GMNC: variants seen among roughly 807,000 people sequenced by gnomAD.
The protein encoded by GMNC is geminin coiled-coil domain containing, also known as geminin coiled-coil domain-containing protein 1.
Under a neutral mutation model 33.6 loss-of-function variants are expected in GMNC, and 16 were observed. That is an observed-to-expected ratio of 0.48 (90% confidence interval 0.32 to 0.72). The LOEUF is 0.72. Ranked by LOEUF, GMNC falls within the 30% of genes least tolerant of loss-of-function variation. GMNC has a pLI of 0.03. For missense variants in GMNC, 393 were observed against 388.9 expected (o/e 1.01, Z -0.09); for synonymous variants, 156 against 147.3 (o/e 1.06, Z -0.43).
chr3:190,849,437 A>G (rs1481110756), downstream of GMNC, among the ~76,000 whole-genome samples: 1 of 152,200 alleles, frequency 6.6e-6, no homozygotes, highest in Admixed American at 6.5e-5. Flanking sequence ...AATGAAAGGA[A>G]GGTGTGTTTT....
intron 3 of GMNC, 150 bp downstream of exon 3, chr3:190,858,778 T>C: frequency 2.3e-6 from 1 of 434,644 alleles, no homozygotes. Context: ...ACATTGATCA[T>C]CTAACTTTGA....
At chr3:190,847,823 A>G (rs533088923), downstream of GMNC, among the ~76,000 whole-genome samples, 1 of 152,294 alleles carries the variant, frequency 6.6e-6, no homozygotes, top group Admixed American at 6.5e-5. Context: ...TGTTCCAGAA[A>G]GATGATGCCC....
Position 190,858,990 on chromosome 3 carries a change from G to C in GMNC, c.205C>G (p.Leu69Val). Residue 69 changes from leucine (L) to valine (V), a missense_variant, in exon 3 of 5, where the codon CTT (leucine) becomes GTT (valine). By Grantham distance (32) the Leu-to-Val change is conservative. Transcript: ENST00000442080. ...TCTTCCCATGAGCACAAGTCCGGAA[G>C]AGGAAAATTTGAGTCACTGAATGAT... ...QESFSDSNFP[L>V]PDLCSWEEAQ... is the part of the protein sequence containing the mutation. 6.5e-7 allele frequency: 1 copy of C among 1,549,772 alleles called. No homozygotes were observed. The highest frequency in any genetic ancestry group is 8.7e-7 in the Non-Finnish European group (1 of 1,145,458).
the GMNC span, among the ~76,000 whole-genome samples, chr3:190,846,564 C>A: frequency 2.5e-3 from 385 of 152,176 alleles, 1 homozygote; most frequent in African/African-American, 9.1e-3. Context: ...AAGTTGTAGG[C>A]TTTGACATAT....
At chr3:190,843,386 A>G in the GMNC span, among the ~76,000 whole-genome samples, 258 of 152,272 alleles carry the variant, frequency 1.7e-3, no homozygotes, top group Admixed American at 3.2e-3. Context: ...AGATAAAATT[A>G]TTTCCTAGAT....
At chr3:190,846,452 A>C in the GMNC span, among the ~76,000 whole-genome samples, 1 of 152,218 alleles carries the variant, frequency 6.6e-6, no homozygotes, top group Middle Eastern at 3.2e-3. Flanking sequence ...ACAGATTCAC[A>C]TATACATATG....
intron 3 of GMNC, among the ~76,000 whole-genome samples, chr3:190,858,411 T>A (rs969098238): frequency 1.3e-5 from 2 of 151,954 alleles, no homozygotes; most frequent in Non-Finnish European, 2.9e-5. Flanking sequence ...AATAAATAAA[T>A]AAAAATAGAG....
At chr3:190,857,951 C>T (rs532472313) in intron 3 of GMNC, 52 bp from the exon 4 acceptor site, 2 of 956,618 alleles carry the variant, frequency 2.1e-6, no homozygotes, top group African/African-American at 3.2e-5. Flanking sequence ...GACTTTGTAA[C>T]CTTATAATAA....
At chr3:190,845,170 T>A in the GMNC span, among the ~76,000 whole-genome samples, 1 of 152,158 alleles carries the variant, frequency 6.6e-6, no homozygotes, top group Admixed American at 6.5e-5. Context: ...AATTCATATG[T>A]CCACCAGAAT....
At chr3:190,850,747 A>T (rs1737620735), downstream of GMNC, among the ~76,000 whole-genome samples, 1 of 152,224 alleles carries the variant, frequency 6.6e-6, no homozygotes, top group African/African-American at 2.4e-5. Context: ...CCGCAACAAT[A>T]GTAGAAAAGG....
downstream of GMNC, among the ~76,000 whole-genome samples, chr3:190,852,027 AT>A (rs1162654837): frequency 9.1e-5 from 6 of 65,908 alleles, no homozygotes; most frequent in Non-Finnish European, 1.5e-4. Context: ...GTTGAAAAAC[AT>A]TATATATTTG....
In GMNC at chr3:190,855,697, G is replaced by A. The variant is rs1237900481; in HGVS notation, c.603C>T (p.Ile201=). The change falls in exon 5 of 5, where the codon ATC becomes ATT. Residue 201 remains isoleucine (I), a synonymous_variant. Transcript: ENST00000442080. ...QTLGLKDLDT[I]DDTSSANYSA... ...TGTAGTTAGCTGATGAGGTGTCATCGATAGTGTCAAGGTCTTTTAACCCAA... is the reference window on the plus strand; with the variant it reads ...TGTAGTTAGCTGATGAGGTGTCATCAATAGTGTCAAGGTCTTTTAACCCAA... 1.3e-5 allele frequency: 20 copies of A among 1,551,552 alleles called. No individual in the cohort carries two copies. Among genetic ancestry groups the A allele is most frequent in the African/African-American group, 2.7e-5 (2 of 73,130 alleles).
chr3:190,846,497 T>G, the GMNC span, among the ~76,000 whole-genome samples: 6 of 152,054 alleles, frequency 3.9e-5, no homozygotes, highest in South Asian at 1.0e-3. Context: ...TTTTAACACT[T>G]TTACTAAAAA....
downstream of GMNC, among the ~76,000 whole-genome samples, chr3:190,851,603 G>T (rs774631646): frequency 1.3e-5 from 2 of 152,102 alleles, no homozygotes; most frequent in Non-Finnish European, 2.9e-5. Context: ...AGCCTGAAAC[G>T]GAGGCTATAT....
At chr3:190,850,942 G>A (rs1472923175), downstream of GMNC, among the ~76,000 whole-genome samples, 3 of 151,108 alleles carry the variant, frequency 2.0e-5, no homozygotes, top group South Asian at 6.4e-4. Context: ...TTTAAAGTGA[G>A]TGAAGTTTAT....
chr3:190,852,050 CAAA>C (rs1737643582), downstream of GMNC, among the ~76,000 whole-genome samples: 1 of 151,756 alleles, frequency 6.6e-6, no homozygotes, highest in East Asian at 1.9e-4. Flanking sequence ...AGCTTGAAAA[CAAA>C]TTCTATTTGA....
chr3:190,858,338 A>T (rs993973395), intron 3 of GMNC, among the ~76,000 whole-genome samples: 1 of 152,024 alleles, frequency 6.6e-6, no homozygotes, highest in African/African-American at 2.4e-5. Context: ...ACTAGGTTAA[A>T]TTAAATATAG....
chr3:190,858,068 A>G, intron 3 of GMNC, 169 bp from the exon 4 acceptor site: 2 of 593,816 alleles, frequency 3.4e-6, no homozygotes, highest in Non-Finnish European at 6.1e-6. Flanking sequence ...CATCCCCCTA[A>G]TGCCTAGTTG....
At chr3:190,856,904 A>G (rs946362666) in intron 4 of GMNC, among the ~76,000 whole-genome samples, 1 of 151,764 alleles carries the variant, frequency 6.6e-6, no homozygotes, top group African/African-American at 2.4e-5. Flanking sequence ...AGCCCAGGAA[A>G]ATAGCCTGGC....
Sources: allele counts gnomAD v4.1 joint callset (sites outside exome capture counted in the v4.1 genomes callset), GRCh38; gene constraint gnomAD v4.1.1; transcripts MANE v1.5; gene names NCBI Gene and HGNC (gene_info 2026-07-23, HGNC 2026-07-21).